BICRA: variants seen among roughly 807,000 people sequenced by gnomAD.
BICRA encodes the protein BRD4-interacting chromatin-remodeling complex-associated protein.
A neutral mutation model predicts 96.9 loss-of-function variants in BICRA; 31 were observed. The observed-to-expected ratio is 0.32, with a 90% CI of 0.24 to 0.43. The LOEUF (loss-of-function observed/expected upper bound fraction) is 0.43. Among genes scored for constraint, BICRA ranks in the 20% least tolerant of loss-of-function variants. The pLI, the probability that BICRA is intolerant of heterozygous loss-of-function variation, is 1.00. For synonymous variants in BICRA, 1,350 were observed against 1,071.8 expected (o/e 1.26, Z -5.07); for missense variants, 2,283 against 2,190.3 (o/e 1.04, Z -0.84).
At chr19:47,633,813 G>A (rs1393566206) in intron 1 of BICRA, among the ~76,000 whole-genome samples, 1 of 152,226 alleles carries the variant, frequency 6.6e-6, no homozygotes, top group Non-Finnish European at 1.5e-5. Flanking sequence ...CTGACCTGAA[G>A]CCAGGCTATT....
At chr19:47,700,795 A>AAAAC (rs34257198) in intron 14 of BICRA, 4,976 of 155,326 alleles carry the variant, frequency 0.032, 165 homozygotes, top group African/African-American at 0.087. Context: ...CTGTCTCAAA[A>AAAAC]AAACAAACAA....
At chr19:47,677,588 T>A (rs1358019673) in intron 5 of BICRA, among the ~76,000 whole-genome samples, 2 of 152,132 alleles carry the variant, frequency 1.3e-5, no homozygotes, top group Admixed American at 6.5e-5. Context: ...CCCGGCTGCT[T>A]GGGAGGCTAA....
rs1455517659 is a variant in BICRA at position 47,681,291 on chromosome 19, G to A, written c.2106+15G>A. The A allele has an allele frequency of 6.5e-7, 1 of 1,541,134 alleles. No homozygotes were observed. Among genetic ancestry groups the A allele is most frequent in the South Asian group, 1.2e-5 (1 of 84,518 alleles). On this transcript the variant is annotated intron_variant, in intron 6 of 14. Coordinates refer to ENST00000594866, the MANE Select transcript of BICRA (RefSeq NM_001394372.1). ...TCCTGCCCCAGGTAAGCAGGGCGGG[G>A]CAAGGGAGCAGGTACCGGAGGAGGC...
chr19:47,654,436 G>A (rs1253677427), intron 1 of BICRA, among the ~76,000 whole-genome samples: 2 of 151,854 alleles, frequency 1.3e-5, no homozygotes, highest in African/African-American at 4.8e-5. Context: ...AAATCAACCT[G>A]TTTACTACTG....
intron 1 of BICRA, among the ~76,000 whole-genome samples, chr19:47,653,282 C>A (rs1445006581): frequency 1.3e-5 from 2 of 151,354 alleles, no homozygotes; most frequent in African/African-American, 4.9e-5. Context: ...CTCGGCCTCC[C>A]AAAGTGCTGG....
At chr19:47,685,213 C>A (rs1973126158) in intron 7 of BICRA, among the ~76,000 whole-genome samples, 1 of 151,984 alleles carries the variant, frequency 6.6e-6, no homozygotes, top group Non-Finnish European at 1.5e-5. Flanking sequence ...TCTCGAACTC[C>A]TAGGCTTAGT....
Position 47,702,804 on chromosome 19 carries a change from T to G in BICRA, c.*389T>G. On this transcript the variant is annotated 3_prime_UTR_variant, in exon 15 of 15. Transcript: ENST00000594866. The stretch of plus-strand genomic sequence containing the variant: ...TGTCTTGTCTGTGTGGCTTCTCAGA[T>G]GGTGGAGGGTGCTGGGAGCTGGCAG... 4.2e-6 allele frequency: 1 copy of G among 235,882 alleles called. No individual in the cohort carries two copies. The highest frequency in any genetic ancestry group is 1.5e-4 in the East Asian group (1 of 6,876). The allele number at this position is 235,882 out of a possible 1,614,324, so 14.6% of individuals were successfully genotyped here.
At chr19:47,629,308 C>T (rs1162833843) in intron 1 of BICRA, among the ~76,000 whole-genome samples, 2 of 152,212 alleles carry the variant, frequency 1.3e-5, no homozygotes, top group Non-Finnish European at 2.9e-5. Flanking sequence ...CGGCGTCCAA[C>T]TGAAACTTTA....
chr19:47,615,893 C>T (rs1057492120), intron 1 of BICRA: 2 of 152,230 alleles, frequency 1.3e-5, no homozygotes, highest in Non-Finnish European at 2.9e-5. Flanking sequence ...AATGTTCTGC[C>T]AAGCTGGGCA....
At chr19:47,612,931 G>A (rs1214602030) in intron 1 of BICRA, among the ~76,000 whole-genome samples, 3 of 152,160 alleles carry the variant, frequency 2.0e-5, no homozygotes, top group African/African-American at 7.2e-5. Flanking sequence ...CGAGATGACA[G>A]GCATAAGTAA....
At chr19:47,627,753 TTTTTG>T (rs1024336716) in intron 1 of BICRA, among the ~76,000 whole-genome samples, 1 of 151,926 alleles carries the variant, frequency 6.6e-6, no homozygotes, top group African/African-American at 2.4e-5. Flanking sequence ...ATGAGTGGGT[TTTTTG>T]TTTGTTTGTT....
chr19:47,691,364 A>G (rs1973238707), intron 7 of BICRA, among the ~76,000 whole-genome samples: 1 of 152,138 alleles, frequency 6.6e-6, no homozygotes, highest in Non-Finnish European at 1.5e-5. Flanking sequence ...GGCCACAAAG[A>G]CCAGCATATG....
chr19:47,656,869 G>GTT (rs775642264), intron 1 of BICRA, among the ~76,000 whole-genome samples: 1 of 148,068 alleles, frequency 6.8e-6, no homozygotes, highest in Non-Finnish European at 1.5e-5. Flanking sequence ...GATTTGTTTG[G>GTT]TTTTTTTTTT....
intron 1 of BICRA, among the ~76,000 whole-genome samples, chr19:47,627,832 C>T (rs927078051): frequency 1.3e-5 from 2 of 152,010 alleles, no homozygotes; most frequent in African/African-American, 2.4e-5. Flanking sequence ...TGCAGTGGCA[C>T]GATCTCGGCT....
intron 1 of BICRA, among the ~76,000 whole-genome samples, chr19:47,626,636 GGGCT>G (rs1357848953): frequency 6.8e-6 from 1 of 146,318 alleles, no homozygotes; most frequent in Admixed American, 7.0e-5. Flanking sequence ...TTGAACTCCT[GGGCT>G]CAGGTGATCT....
rs954869565 is a variant in BICRA at position 47,695,568 on chromosome 19, G to A, written c.3186+94G>A. The A allele has an allele frequency of 1.9e-5, 13 of 672,960 alleles. No homozygotes were observed. In the East Asian group the frequency reaches 2.2e-4, roughly 11 times the overall value. The allele number at this position is 672,960 out of a possible 1,614,324, so 41.7% of individuals were successfully genotyped here. ...CAGGGGCAGGGAGACACTGGAAGAC[G>A]CGGACAGGATGAAGCTGGGACCATC... On this transcript the variant is annotated intron_variant, in intron 10 of 14. Transcript: ENST00000594866.
At chr19:47,648,104 G>A (rs1441527420) in intron 1 of BICRA, among the ~76,000 whole-genome samples, 2 of 151,794 alleles carry the variant, frequency 1.3e-5, no homozygotes, top group Non-Finnish European at 2.9e-5. Context: ...TCCTGTTACC[G>A]TCTCCCCGTC....
At position 47,698,596 on chromosome 19, in the gene BICRA, C is replaced by A. The variant is rs1973385674; in HGVS notation, c.3249-38C>A. 3 of 968,226 alleles carry A rather than the reference C, an allele frequency of 3.1e-6. No individual in the cohort carries two copies. Among genetic ancestry groups the A allele is most frequent in the African/African-American group, 1.6e-5 (1 of 62,894 alleles). 60.0% of individuals were successfully genotyped at this position (968,226 alleles called of 1,614,324 possible). A position where few individuals can be genotyped will look rare whatever the true frequency, so the allele number is the denominator to read the frequency against. ...CCTGGCCCTCACCCGTCCCCCCCACCCTCCGCCGTGTGTGGTCTCTCCCCT... is the reference window on the plus strand; with the variant it reads ...CCTGGCCCTCACCCGTCCCCCCCACACTCCGCCGTGTGTGGTCTCTCCCCT... On this transcript the variant is annotated intron_variant, in intron 11 of 14. Transcript: ENST00000594866. This position sits in a 1 kb window ranked among gnomAD's most constrained non-coding sequence, Gnocchi z 4.8.
In BICRA at chr19:47,680,121, C is replaced by T. The variant is rs10422321; in HGVS notation, c.951C>T (p.Thr317=). Residue 317 remains threonine (T), a synonymous_variant, in exon 6 of 15, where the codon ACC becomes ACT. Transcript: ENST00000594866. ...FGGAGAASAP[T]GTPSGQPLAV... is the part of the protein sequence containing the mutation. ...GCGCGGGGGCCGCCTCGGCTCCCACCGGGACGCCCTCGGGACAGCCGCTGG... is the reference window on the plus strand; with the variant it reads ...GCGCGGGGGCCGCCTCGGCTCCCACTGGGACGCCCTCGGGACAGCCGCTGG... 4.2e-4 allele frequency: 649 copies of T among 1,532,202 alleles called. 2 individuals carry two copies. The African/African-American group carries it at 8.0e-3, about 19-fold the overall frequency. The allele number at this position is 1,532,202 out of a possible 1,614,324, so 94.9% of individuals were successfully genotyped here.
Sources: allele counts gnomAD v4.1 joint callset (sites outside exome capture counted in the v4.1 genomes callset), GRCh38; gene constraint gnomAD v4.1.1; non-coding constraint Gnocchi (gnomAD v3.1); transcripts MANE v1.5; gene names NCBI Gene and HGNC (gene_info 2026-07-23, HGNC 2026-07-21).